Variants in AP1B1 observed in about 807,000 individuals in gnomAD.
AP1B1 encodes adaptor related protein complex 1 subunit beta 1, also known as AP-1 complex subunit beta-1.
In AP1B1, 36 loss-of-function variants were observed where a neutral mutation model predicts 104.3. That is an observed-to-expected ratio of 0.35 (90% CI 0.26 to 0.46). AP1B1 has a LOEUF of 0.46. AP1B1 is among the 20% of genes least tolerant of loss of function. AP1B1 has a pLI of 1.00. For synonymous variants in AP1B1, 504 were observed against 517.5 expected (o/e 0.97, Z 0.35); for missense variants, 901 against 1,247.9 (o/e 0.72, Z 4.19).
intron 1 of AP1B1, chr22:29,370,440 G>A (rs1299244595): frequency 7.1e-6 from 1 of 140,784 alleles, no homozygotes; most frequent in Non-Finnish European, 1.5e-5. Flanking sequence ...GCGACAGAGT[G>A]AGACTCAGTC....
chr22:29,355,506 A>T lies in AP1B1; in HGVS notation c.717-635T>A, dbSNP rs561556048. On this transcript the variant is annotated intron_variant, in intron 6 of 22. Coordinates refer to ENST00000357586, the MANE Select transcript of AP1B1 (RefSeq NM_001127.4). The stretch of plus-strand genomic sequence containing the variant: ...ATGTTTTTTGTAGGAGAAAGATCTA[A>T]ATCTTGGTTCTGCTGCTTGATAACC... Among the ~76,000 whole-genome samples the T allele has an allele frequency of 5.3e-5, 8 of 152,208 alleles. No individual in the cohort carries two copies. In the South Asian group the frequency reaches 1.7e-3, roughly 32 times the overall value.
At chr22:29,346,430 C>G (rs2061793475) in intron 11 of AP1B1, among the ~76,000 whole-genome samples, 1 of 152,218 alleles carries the variant, frequency 6.6e-6, no homozygotes, top group Non-Finnish European at 1.5e-5. Flanking sequence ...CAGGATGAAA[C>G]TGCTCCACCT....
intron 3 of AP1B1, among the ~76,000 whole-genome samples, chr22:29,361,306 G>A (rs2062042930): frequency 6.6e-6 from 1 of 152,198 alleles, no homozygotes; most frequent in Non-Finnish European, 1.5e-5. Flanking sequence ...GGGGACGTCT[G>A]GAGCAGTGGG....
In AP1B1 at chr22:29,341,580, C is replaced by T. The variant is rs375168948; in HGVS notation, c.1717G>A (p.Val573Ile). The part of the protein sequence containing the change: ...LICYIGTLAS[V>I]YHKPPSAFVE... The stretch of plus-strand genomic sequence containing the variant: ...AAGGCACTGGGAGGCTTATGGTAGA[C>T]GGAAGCCAGCGTGCCGATGTAGCAG... The change falls in exon 13 of 23, where the codon GTC becomes ATC. Residue 573 changes from valine (V) to isoleucine (I), a missense_variant. Physicochemically the swap from Val to Ile is conservative, Grantham distance 29. Around this residue, in one of 3 missense-constraint regions of AP1B1, gnomAD observed 471 missense variants for 696.7 expected, o/e 0.68. Transcript: ENST00000357586. 11 of 1,614,078 alleles carry T rather than the reference C, an allele frequency of 6.8e-6. 1 individual carries two copies. Among genetic ancestry groups the T allele is most frequent in the East Asian group, 6.7e-5 (3 of 44,904 alleles).
At chr22:29,333,635 G>C (rs2061594023) in intron 17 of AP1B1, among the ~76,000 whole-genome samples, 1 of 150,692 alleles carries the variant, frequency 6.6e-6, no homozygotes, top group Non-Finnish European at 1.5e-5. Flanking sequence ...GATTGCTTGA[G>C]CCCAAGGGTT....
intron 12 of AP1B1, 129 bp from the exon 13 acceptor site, chr22:29,341,889 A>G: frequency 1.8e-6 from 2 of 1,121,484 alleles, no homozygotes; most frequent in Non-Finnish European, 2.5e-6. Flanking sequence ...GAGTGCTCCC[A>G]TGAGCCTGCC....
At chr22:29,359,766 G>A in intron 4 of AP1B1, 58 bp downstream of exon 4, 2 of 1,567,060 alleles carry the variant, frequency 1.3e-6, no homozygotes, top group Non-Finnish European at 1.7e-6. Context: ...CAAAGAGACT[G>A]AGGGGAGACA....
intron 1 of AP1B1, among the ~76,000 whole-genome samples, chr22:29,377,195 C>CAAA (rs34466410): frequency 3.2e-4 from 21 of 64,696 alleles, no homozygotes; most frequent in South Asian, 7.9e-4. Flanking sequence ...GACCCTGTCT[C>CAAA]AAAAAAAAAA....
intron 2 of AP1B1, among the ~76,000 whole-genome samples, chr22:29,365,391 G>C (rs2062119042): frequency 6.6e-6 from 1 of 152,126 alleles, no homozygotes; most frequent in South Asian, 2.1e-4. Flanking sequence ...CGTGCCTGTA[G>C]TCCCAGCTAC....
At position 29,381,090 on chromosome 22, in the gene AP1B1, A is replaced by G. The variant is rs370337763; in HGVS notation, c.-28+7334T>C. ...CCACCCCAGGGCCTTTGCCCGTGCT[A>G]TTCACTTTGCTAGGAAGGCTCTTTC... On this transcript the variant is annotated intron_variant, in intron 1 of 22. Transcript: ENST00000357586. 1.2e-4 allele frequency among the ~76,000 whole-genome samples: 18 copies of G among 152,230 alleles called. No homozygotes were observed. In the East Asian group the frequency reaches 3.3e-3, roughly 28 times the overall value.
intron 12 of AP1B1, 124 bp downstream of exon 12, chr22:29,342,161 A>T (rs1456147836): frequency 2.6e-6 from 2 of 776,008 alleles, no homozygotes; most frequent in East Asian, 5.3e-5. Context: ...GCTGGAAGCC[A>T]GTCCCACCCA....
In AP1B1 at chr22:29,354,639, G is replaced by A. The variant is rs1458492223; in HGVS notation, c.938+11C>T. The A allele has an allele frequency of 6.2e-7, 1 of 1,612,966 alleles. No individual in the cohort carries two copies. The highest frequency in any genetic ancestry group is 1.1e-5 in the South Asian group (1 of 91,012). On this transcript the variant is annotated intron_variant, in intron 7 of 22. Coordinates refer to ENST00000357586, the MANE Select transcript of AP1B1 (RefSeq NM_001127.4). ...GGGTACGCATGGACGTGCGTGTGGT[G>A]ACCTCAGTACCTTTTCTGCACGATG... is the stretch of plus-strand genomic sequence containing the variant.
At position 29,346,596 on chromosome 22, in the gene AP1B1, C is replaced by T. The variant is rs577658830; in HGVS notation, c.1437+2622G>A. ...GTAATGCTTGCTTGCCCGCCGCTCA[C>T]CTCCCGCTGTGCAGCCCAGTTCCTT... On this transcript the variant is annotated intron_variant, in intron 11 of 22. Transcript: ENST00000357586. Among the ~76,000 whole-genome samples the T allele has an allele frequency of 4.0e-4, 61 of 152,362 alleles. 1 individual carries two copies. Among genetic ancestry groups the T allele is most frequent in the Middle Eastern group, 3.4e-3 (1 of 294 alleles).
chr22:29,375,731 G>C (rs2062329677), intron 1 of AP1B1, among the ~76,000 whole-genome samples: 1 of 152,120 alleles, frequency 6.6e-6, no homozygotes, highest in South Asian at 2.1e-4. Flanking sequence ...CCCATCTCTG[G>C]GCCTGCCTTT....
At chr22:29,356,740 G>T in intron 5 of AP1B1, 124 bp from the exon 6 acceptor site, 1 of 926,168 alleles carries the variant, frequency 1.1e-6, no homozygotes. Flanking sequence ...CAATGGGCAG[G>T]GTCTGGAGCT....
chr22:29,344,941 A>G (rs2061769454), intron 11 of AP1B1, among the ~76,000 whole-genome samples: 1 of 152,228 alleles, frequency 6.6e-6, no homozygotes, highest in South Asian at 2.1e-4. Flanking sequence ...GCAGGCCCAT[A>G]GTCCTAGCTA....
intron 1 of AP1B1, among the ~76,000 whole-genome samples, chr22:29,388,169 G>A (rs1013123799): frequency 2.4e-4 from 37 of 152,256 alleles, no homozygotes; most frequent in African/African-American, 8.4e-4. Flanking sequence ...CGGGGCCTAA[G>A]TCCTGTCTCT....
chr22:29,354,761 T>G lies in AP1B1; in HGVS notation c.827A>C (p.Tyr276Ser). ...CAGCTTCTTGAGCAGTGTGCCGTAGTAGTCCAAGTCCTTAGACAACATCTC... is the reference window on the plus strand; with the variant it reads ...CAGCTTCTTGAGCAGTGTGCCGTAGGAGTCCAAGTCCTTAGACAACATCTC... ...FMEMLSKDLD[Y>S]YGTLLKKLAP... The change falls in exon 7 of 23, where the codon TAC becomes TCC. Residue 276 changes from tyrosine to serine, a missense_variant. Coordinates refer to ENST00000357586, the MANE Select transcript of AP1B1 (RefSeq NM_001127.4). The G allele has an allele frequency of 1.2e-6, 2 of 1,614,100 alleles. No homozygotes were observed. The highest frequency in any genetic ancestry group is 1.7e-6 in the Non-Finnish European group (2 of 1,180,016).
intron 21 of AP1B1, 79 bp downstream of exon 21, chr22:29,330,299 C>T (rs769372519): frequency 2.2e-5 from 35 of 1,591,030 alleles, no homozygotes; most frequent in African/African-American, 1.2e-4. Context: ...GCTTGGACCG[C>T]GTCCTCCACC....
Sources: allele counts gnomAD v4.1 joint callset (sites outside exome capture counted in the v4.1 genomes callset), GRCh38; gene constraint gnomAD v4.1.1; regional missense constraint gnomAD v4.1.1; transcripts MANE v1.5; gene names NCBI Gene and HGNC (gene_info 2026-07-23, HGNC 2026-07-21).